The following SUCLG2 variants were observed in gnomAD, a reference collection of about 807,000 sequenced individuals.
The protein encoded by SUCLG2 is succinate--CoA ligase [GDP-forming] subunit beta, mitochondrial.
Under a neutral mutation model 47.9 loss-of-function variants are expected in SUCLG2, and 42 were observed. The observed-to-expected ratio is 0.88, with a 90% confidence interval of 0.69 to 1.14. The LOEUF is 1.14. Ranked by LOEUF, SUCLG2 falls within the 50% of genes most tolerant of loss-of-function variation. The pLI is 0.00. For synonymous variants in SUCLG2, 195 were observed against 197.3 expected, an observed-to-expected ratio of 0.99 and a Z score of 0.10; for missense variants, 571 against 525.9, an observed-to-expected ratio of 1.09 and a Z score of -0.84.
At chr3:67,501,719 C>A (rs1705498877) in intron 7 of SUCLG2, among the ~76,000 whole-genome samples, 1 of 151,938 alleles carries the variant, frequency 6.6e-6, no homozygotes, top group African/African-American at 2.4e-5. Flanking sequence ...TGTAATAAAG[C>A]CTCCATAAAA....
intron 9 of SUCLG2, among the ~76,000 whole-genome samples, chr3:67,455,412 T>C (rs1341320627): frequency 2.0e-5 from 3 of 152,148 alleles, no homozygotes; most frequent in African/African-American, 7.2e-5. Context: ...TCTTTCATGT[T>C]TGCCTAACCA....
chr3:67,536,618 C>T (rs1706549697), intron 2 of SUCLG2, among the ~76,000 whole-genome samples: 1 of 152,228 alleles, frequency 6.6e-6, no homozygotes, highest in Non-Finnish European at 1.5e-5. Context: ...CCATCAGGAA[C>T]CCTTCACCTC....
chr3:67,513,562 C>G (rs1028632004), intron 6 of SUCLG2, among the ~76,000 whole-genome samples: 13 of 152,166 alleles, frequency 8.5e-5, no homozygotes, highest in African/African-American at 1.4e-4. Context: ...GCTAAGCAGA[C>G]AGAATGTGTG....
chr3:67,435,888 A>G (rs1026825894), intron 9 of SUCLG2, among the ~76,000 whole-genome samples: 2 of 152,210 alleles, frequency 1.3e-5, no homozygotes, highest in African/African-American at 2.4e-5. Flanking sequence ...TTTTCTTCAT[A>G]TATTTTAGAC....
chr3:67,573,659 G>T (rs944914169), intron 2 of SUCLG2, among the ~76,000 whole-genome samples: 10 of 152,146 alleles, frequency 6.6e-5, no homozygotes, highest in Non-Finnish European at 1.5e-4. Flanking sequence ...AGAAGTTCAG[G>T]ATCTTTCCAG....
At chr3:67,642,236 G>A (rs1342735644) in intron 1 of SUCLG2, among the ~76,000 whole-genome samples, 2 of 152,176 alleles carry the variant, frequency 1.3e-5, no homozygotes, top group African/African-American at 4.8e-5. Context: ...GCATCCTGAG[G>A]AGATGTGCAG....
Position 67,495,822 on chromosome 3 carries a change from G to T in SUCLG2, c.1038C>A (p.Phe346Leu). 1 of 1,613,922 alleles carries T rather than the reference G, an allele frequency of 6.2e-7. No homozygotes were observed. Among genetic ancestry groups the T allele is most frequent in the Non-Finnish European group, 8.5e-7 (1 of 1,179,958 alleles). The part of the protein sequence containing the change: ...GVKEAQVYQA[F>L]KLLTADPKVE... ...CCTTAGGATCAGCTGTGAGCAATTT[G>T]AATGCTTGATATACTTGAGCTTCCT... Residue 346 changes from phenylalanine to leucine, a missense_variant, in exon 9 of 11, where the codon TTC becomes TTA. Phe to Leu is a conservative substitution (Grantham distance 22, BLOSUM62 0). Coordinates refer to ENST00000307227, the MANE Select transcript of SUCLG2 (RefSeq NM_003848.4).
intron 9 of SUCLG2, among the ~76,000 whole-genome samples, chr3:67,428,629 C>T (rs1035340724): frequency 3.9e-5 from 6 of 152,118 alleles, no homozygotes; most frequent in African/African-American, 1.2e-4. Flanking sequence ...AAGCTTCAGA[C>T]GATCGGTAAT....
intron 10 of SUCLG2, chr3:67,376,518 T>C (rs1702037972): frequency 4.1e-6 from 4 of 979,592 alleles, no homozygotes; most frequent in Admixed American, 6.2e-5. Context: ...GTAGGAGAAA[T>C]GTAATAGAAT....
intron 2 of SUCLG2, among the ~76,000 whole-genome samples, chr3:67,551,740 T>C (rs1036214411): frequency 1.3e-5 from 2 of 152,180 alleles, no homozygotes; most frequent in African/African-American, 4.8e-5. Context: ...GTTGGGACTG[T>C]TGTTCTGTGT....
chr3:67,400,199 A>C (rs1303960871), intron 10 of SUCLG2, among the ~76,000 whole-genome samples: 1 of 152,074 alleles, frequency 6.6e-6, no homozygotes, highest in Non-Finnish European at 1.5e-5. Context: ...CATTATTCTT[A>C]CTAAAAATTT....
At chr3:67,571,282 G>A (rs532395042) in intron 2 of SUCLG2, among the ~76,000 whole-genome samples, 1 of 152,188 alleles carries the variant, frequency 6.6e-6, no homozygotes, top group Admixed American at 6.5e-5. Context: ...TGGAGGCCAG[G>A]GATGCTGCTA....
chr3:67,559,640 A>T (rs548150515), intron 2 of SUCLG2, among the ~76,000 whole-genome samples: 8 of 152,274 alleles, frequency 5.3e-5, no homozygotes, highest in African/African-American at 1.9e-4. Flanking sequence ...CCAGACTACC[A>T]TCTATATGTT....
At chr3:67,520,254 AAAG>A (rs1706058784) in intron 5 of SUCLG2, among the ~76,000 whole-genome samples, 1 of 152,250 alleles carries the variant, frequency 6.6e-6, no homozygotes, top group Non-Finnish European at 1.5e-5. Context: ...AGGAAGAAGT[AAAG>A]AAGGAAGGGT....
intron 9 of SUCLG2, among the ~76,000 whole-genome samples, chr3:67,470,188 T>TA (rs1046305687): frequency 6.6e-5 from 10 of 151,908 alleles, no homozygotes; most frequent in Admixed American, 3.3e-4. Context: ...TTTAATAAAC[T>TA]AAAAAAAATG....
intron 6 of SUCLG2, among the ~76,000 whole-genome samples, chr3:67,515,074 T>C (rs774054703): frequency 1.6e-4 from 25 of 152,184 alleles, no homozygotes; most frequent in African/African-American, 4.8e-4. Context: ...CATGTAGACA[T>C]TGCATCATCT....
At chr3:67,641,543 T>C (rs868172717) in intron 1 of SUCLG2, among the ~76,000 whole-genome samples, 5 of 152,232 alleles carry the variant, frequency 3.3e-5, no homozygotes, top group South Asian at 2.1e-4. Flanking sequence ...CACACCCACG[T>C]TGTCTCAATG....
chr3:67,583,610 A>G (rs1707935458), intron 2 of SUCLG2, among the ~76,000 whole-genome samples: 1 of 152,222 alleles, frequency 6.6e-6, no homozygotes. Flanking sequence ...TTCTGTTTAG[A>G]GTCTCACCAA....
intron 9 of SUCLG2, among the ~76,000 whole-genome samples, chr3:67,477,745 A>G (rs1158123318): frequency 6.6e-6 from 1 of 152,152 alleles, no homozygotes; most frequent in African/African-American, 2.4e-5. Context: ...CTGACCCACG[A>G]CACTGTATGC....
Sources: allele counts gnomAD v4.1 joint callset (sites outside exome capture counted in the v4.1 genomes callset), GRCh38; gene constraint gnomAD v4.1.1; transcripts MANE v1.5; gene names NCBI Gene and HGNC (gene_info 2026-07-23, HGNC 2026-07-21).